Variants in RNASEH1 observed in about 807,000 individuals in gnomAD.
RNASEH1 encodes the protein ribonuclease H type II.
Under a neutral mutation model 34.6 loss-of-function variants are expected in RNASEH1, and 27 were observed. The ratio of observed to expected loss-of-function variants is 0.78; its 90% CI spans 0.58 to 1.08. The LOEUF (loss-of-function observed/expected upper bound fraction) is 1.08, where lower values mean the gene tolerates loss of function less well. Among genes scored for constraint, RNASEH1 ranks in the 50% least tolerant of loss-of-function variants. The pLI, the probability that RNASEH1 is intolerant of heterozygous loss-of-function variation, is 0.00. For synonymous variants in RNASEH1, 162 were observed against 138.4 expected (o/e 1.17, Z -1.20); for missense variants, 349 against 373.6 (o/e 0.93, Z 0.54).
chr2:3,540,166 T>G (rs930005053), downstream of RNASEH1, among the ~76,000 whole-genome samples: 2 of 152,140 alleles, frequency 1.3e-5, no homozygotes, highest in African/African-American at 2.4e-5. Flanking sequence ...TATTCCACAA[T>G]ATGTAGCACA....
intron 4 of RNASEH1, among the ~76,000 whole-genome samples, chr2:3,549,497 T>G (rs544153350): frequency 6.6e-6 from 1 of 152,278 alleles, no homozygotes; most frequent in East Asian, 1.9e-4. Context: ...AGAAAAACCC[T>G]TAGACAAGTT....
chr2:3,555,443 AGAGAGAGGGTGAAGCAGATGCACT>A (rs1265308125), intron 2 of RNASEH1, among the ~76,000 whole-genome samples: 2 of 152,176 alleles, frequency 1.3e-5, no homozygotes, highest in Non-Finnish European at 2.9e-5. Flanking sequence ...GCTATTGAAG[AGAGAGAGGGTGAAGCAGATGCACT>A]GAGTGAGGGT....
chr2:3,553,940 G>C (rs978369578), intron 2 of RNASEH1, among the ~76,000 whole-genome samples: 1 of 152,128 alleles, frequency 6.6e-6, no homozygotes, highest in Non-Finnish European at 1.5e-5. Flanking sequence ...GTGAAAATAA[G>C]GACACAGGAG....
chr2:3,541,120 A>T (rs1286052459), downstream of RNASEH1, among the ~76,000 whole-genome samples: 1 of 152,048 alleles, frequency 6.6e-6, no homozygotes, highest in Non-Finnish European at 1.5e-5. Context: ...CGAGGTCAGG[A>T]GATTGAGACC....
chr2:3,536,400 C>G, the RNASEH1 span, among the ~76,000 whole-genome samples: 1 of 150,968 alleles, frequency 6.6e-6, no homozygotes, highest in African/African-American at 2.4e-5. Context: ...CCTCTGGGAC[C>G]AAGCTTGAGT....
chr2:3,540,445 A>C (rs1269328322), downstream of RNASEH1, among the ~76,000 whole-genome samples: 1 of 152,038 alleles, frequency 6.6e-6, no homozygotes, highest in South Asian at 2.1e-4. Flanking sequence ...GTCTCACTCT[A>C]TTGCCCAGGC....
intron 7 of RNASEH1, among the ~76,000 whole-genome samples, chr2:3,546,703 T>C (rs990771192): frequency 6.6e-6 from 1 of 152,162 alleles, no homozygotes; most frequent in Non-Finnish European, 1.5e-5. Context: ...TTGTATTACT[T>C]GTGGTTGCAG....
chr2:3,545,629 A>C lies in RNASEH1; in HGVS notation c.*156T>G. 1.6e-6 allele frequency: 1 copy of C among 620,806 alleles called. No individual in the cohort carries two copies. The highest frequency in any genetic ancestry group is 2.9e-6 in the Non-Finnish European group (1 of 343,904). 38.5% of individuals were successfully genotyped at this position (620,806 alleles called of 1,614,324 possible). ...ATATACTTAACCATTTTTTATAAAC[A>C]CATGTCACAGAAGGCCACTGTGCCT... On this transcript the variant is annotated 3_prime_UTR_variant, in exon 8 of 8. Coordinates refer to ENST00000315212, the MANE Select transcript of RNASEH1 (RefSeq NM_002936.6).
At position 3,542,339 on chromosome 2, in the gene RNASEH1, T is replaced by C. The variant is rs1668372706; in HGVS notation, c.*3446A>G. ...GAAAAAGGAAAAAATCCTTTGGGCA[T>C]CTAAGGAAAAACAGCATATGACTGT... On this transcript the variant is annotated 3_prime_UTR_variant, in exon 8 of 8. Transcript: ENST00000315212. Among the ~76,000 whole-genome samples the C allele has an allele frequency of 6.6e-6, 1 of 152,166 alleles. No individual in the cohort carries two copies.
Position 3,544,902 on chromosome 2 carries a change from G to C in RNASEH1, c.*883C>G, listed in dbSNP as rs565021803. The C allele has an allele frequency of 6.6e-6, 1 of 151,704 alleles. No homozygotes were observed. Among genetic ancestry groups the C allele is most frequent in the African/African-American group, 2.4e-5 (1 of 41,376 alleles). 9.4% of individuals were successfully genotyped at this position (151,704 alleles called of 1,614,324 possible). ...TGATTCTTGTGCCTCAGCCTCCCAA[G>C]TAGCTGGGACTACAAGCCCGTGCCA... On this transcript the variant is annotated 3_prime_UTR_variant, in exon 8 of 8. Transcript: ENST00000315212.
chr2:3,538,027 A>ACC (rs199926738), downstream of RNASEH1, among the ~76,000 whole-genome samples: 5,670 of 117,922 alleles, frequency 0.048, 127 homozygotes, highest in Middle Eastern at 0.11. Flanking sequence ...ACAAGAGCGA[A>ACC]ACTGTCTTAA....
intron 3 of RNASEH1, among the ~76,000 whole-genome samples, chr2:3,551,462 T>C (rs927324892): frequency 6.6e-6 from 1 of 152,234 alleles, no homozygotes; most frequent in Non-Finnish European, 1.5e-5. Flanking sequence ...TTCCTACTAG[T>C]AAATCACCAA....
At chr2:3,532,516 T>C in the RNASEH1 span, among the ~76,000 whole-genome samples, 10 of 152,238 alleles carry the variant, frequency 6.6e-5, no homozygotes, top group South Asian at 2.1e-4. Context: ...CACCCCTAGA[T>C]GGTACAGCCC....
intron 4 of RNASEH1, 97 bp downstream of exon 4, chr2:3,550,276 C>A: frequency 9.8e-7 from 1 of 1,024,090 alleles, no homozygotes; most frequent in Non-Finnish European, 1.5e-6. Flanking sequence ...TACTTATCTG[C>A]AGGTTTTCCC....
At chr2:3,556,745 C>T (rs764290167) in intron 2 of RNASEH1, 44 bp downstream of exon 2, 2 of 1,357,138 alleles carry the variant, frequency 1.5e-6, no homozygotes, top group Non-Finnish European at 2.1e-6. Context: ...ATATGAAAGC[C>T]TTTGAATAGG....
downstream of RNASEH1, among the ~76,000 whole-genome samples, chr2:3,537,252 G>T (rs530047083): frequency 1.1e-3 from 171 of 152,308 alleles, no homozygotes; most frequent in Non-Finnish European, 2.0e-3. Flanking sequence ...TGCAAAGACT[G>T]GGGTGGGATC....
chr2:3,551,581 C>T (rs1187568345), intron 3 of RNASEH1, among the ~76,000 whole-genome samples: 1 of 152,182 alleles, frequency 6.6e-6, no homozygotes, highest in Non-Finnish European at 1.5e-5. Context: ...AAATTAGAAC[C>T]TATAAATATA....
intron 3 of RNASEH1, among the ~76,000 whole-genome samples, chr2:3,551,750 G>C (rs1659936374): frequency 6.6e-6 from 1 of 152,152 alleles, no homozygotes; most frequent in Non-Finnish European, 1.5e-5. Context: ...GGATAAAATA[G>C]AATCTCTTGT....
At chr2:3,555,419 A>T (rs1422820362) in intron 2 of RNASEH1, among the ~76,000 whole-genome samples, 1 of 152,156 alleles carries the variant, frequency 6.6e-6, no homozygotes, top group Admixed American at 6.5e-5. Context: ...TCTCAAACAG[A>T]ATCTCCTTTA....
Sources: gnomAD v4.1 joint callset for allele counts (sites outside exome capture counted in the v4.1 genomes callset) on GRCh38, gnomAD v4.1.1 for gene constraint, MANE v1.5 for transcripts, NCBI Gene and HGNC (gene_info 2026-07-23, HGNC 2026-07-21) for gene names.